Variants in HDAC9 observed in about 807,000 individuals in gnomAD.
HDAC9 encodes the protein histone deacetylase 9, also known as MEF-2 interacting transcription repressor (MITR) protein.
HDAC9 carries 41 observed loss-of-function variants against 139.4 expected under a neutral mutation model. The observed-to-expected ratio is 0.29, with a 90% CI of 0.23 to 0.38. HDAC9 has a LOEUF of 0.38. Ranked by LOEUF, HDAC9 falls within the 10% of genes least tolerant of loss-of-function variation. The pLI is 1.00. For synonymous variants in HDAC9, 517 were observed against 476.2 expected (o/e 1.09, Z -1.12); for missense variants, 1,147 against 1,297.0 (o/e 0.88, Z 1.78).
intron 2 of HDAC9, among the ~76,000 whole-genome samples, chr7:18,584,842 C>T (rs912116433): frequency 9.2e-5 from 14 of 152,144 alleles, no homozygotes; most frequent in South Asian, 2.1e-4. Context: ...TATCTTCTGA[C>T]GCTGATTACA....
chr7:18,248,056 C>T (rs1351271190), intron 2 of HDAC9, among the ~76,000 whole-genome samples: 1 of 152,062 alleles, frequency 6.6e-6, no homozygotes, highest in Non-Finnish European at 1.5e-5. Flanking sequence ...ATGCAAGACT[C>T]ATTTTAAGGC....
At chr7:18,903,837 G>A (rs1008488156) in intron 22 of HDAC9, among the ~76,000 whole-genome samples, 2 of 152,170 alleles carry the variant, frequency 1.3e-5, no homozygotes, top group Admixed American at 6.5e-5. Flanking sequence ...GATCTTTGTA[G>A]TCAAGCATGC....
intron 6 of HDAC9, among the ~76,000 whole-genome samples, chr7:18,602,974 T>C (rs73315010): frequency 0.027 from 4,042 of 152,204 alleles, 185 homozygotes; most frequent in African/African-American, 0.092. Flanking sequence ...TATTTTGATG[T>C]GACATTATTA....
In HDAC9 at chr7:18,763,234, A is replaced by G. The variant is rs1234875805; in HGVS notation, c.2164+957A>G. On this transcript the variant is annotated intron_variant, in intron 15 of 25. Coordinates refer to ENST00000686413, the MANE Select transcript of HDAC9 (RefSeq NM_178425.4). ...AGTAGATAACATACAGTAGGTAGGTATCTTGGAAAGCAATTGTAAGGAAGA... is the reference window on the plus strand; with the variant it reads ...AGTAGATAACATACAGTAGGTAGGTGTCTTGGAAAGCAATTGTAAGGAAGA... 1.4e-4 allele frequency among the ~76,000 whole-genome samples: 22 copies of G among 152,358 alleles called. No homozygotes were observed. In the East Asian group the frequency reaches 4.2e-3, roughly 29 times the overall value.
intron 1 of HDAC9, among the ~76,000 whole-genome samples, chr7:18,438,995 T>G (rs1791493465): frequency 6.6e-6 from 1 of 152,244 alleles, no homozygotes; most frequent in Admixed American, 6.5e-5. Context: ...GTGTGCATAC[T>G]GTGGATATGA....
chr7:18,745,748 T>A (rs920018382), intron 13 of HDAC9, among the ~76,000 whole-genome samples: 1 of 151,482 alleles, frequency 6.6e-6, no homozygotes, highest in African/African-American at 2.4e-5. Context: ...GGGTTTCACC[T>A]TGTTAGCCAG....
intron 2 of HDAC9, among the ~76,000 whole-genome samples, chr7:18,574,038 G>T (rs1171363188): frequency 6.6e-6 from 1 of 152,264 alleles, no homozygotes; most frequent in Non-Finnish European, 1.5e-5. Context: ...GAGGTATGCG[G>T]ACAGCTGGAG....
intron 12 of HDAC9, among the ~76,000 whole-genome samples, chr7:18,718,092 C>G (rs577164040): frequency 1.8e-4 from 28 of 152,100 alleles, no homozygotes; most frequent in African/African-American, 6.5e-4. Flanking sequence ...TTTTCATCAC[C>G]GCCCAAAAGA....
intron 25 of HDAC9, among the ~76,000 whole-genome samples, chr7:18,994,933 G>T (rs1435919399): frequency 6.6e-6 from 1 of 152,152 alleles, no homozygotes; most frequent in African/African-American, 2.4e-5. Context: ...CCGCTACCTA[G>T]AGAGAAGCAT....
intron 12 of HDAC9, among the ~76,000 whole-genome samples, chr7:18,705,936 GA>G (rs1783874546): frequency 1.4e-5 from 2 of 147,066 alleles, no homozygotes; most frequent in African/African-American, 5.1e-5. Context: ...AACAAAACAA[GA>G]ACATATATTC....
intron 2 of HDAC9, among the ~76,000 whole-genome samples, chr7:18,539,251 C>T (rs1320586385): frequency 2.6e-5 from 4 of 152,112 alleles, no homozygotes; most frequent in African/African-American, 7.2e-5. Flanking sequence ...CACTTCACCT[C>T]GTTGTTTTTC....
rs1242799990 is a variant in HDAC9, at chr7:18,967,487, A to C, written c.3023-8319A>C. Among the ~76,000 whole-genome samples, 5 of 144,398 alleles carry C rather than the reference A, an allele frequency of 3.5e-5. No homozygotes were observed. The East Asian group carries it at 1.0e-3, about 29-fold the overall frequency. The allele number at this position is 144,398 out of a possible 152,430, so 94.7% of individuals were successfully genotyped here. ...ATGGAATCAAAGCAAAATTTTTGTA[A>C]ATAAAGTTGCCCCCCCCCCAAAAAA... On this transcript the variant is annotated intron_variant, in intron 24 of 25. Transcript: ENST00000686413.
At chr7:18,233,624 T>C (rs1013266001) in intron 2 of HDAC9, among the ~76,000 whole-genome samples, 2 of 152,188 alleles carry the variant, frequency 1.3e-5, no homozygotes, top group East Asian at 1.9e-4. Context: ...GCAGGACTTT[T>C]GTGACTAAAG....
At chr7:18,114,096 A>G (rs1376769329) in intron 1 of HDAC9, among the ~76,000 whole-genome samples, 10 of 152,232 alleles carry the variant, frequency 6.6e-5, no homozygotes, top group South Asian at 2.1e-4. Context: ...GAGTTATAAC[A>G]CTGTTGTAGC....
At chr7:18,739,599 A>T (rs1187159769) in intron 13 of HDAC9, among the ~76,000 whole-genome samples, 1 of 152,196 alleles carries the variant, frequency 6.6e-6, no homozygotes. Flanking sequence ...TGAAGGCTGC[A>T]GAACAGCAAA....
chr7:18,153,450 G>A (rs1434155939), intron 1 of HDAC9, among the ~76,000 whole-genome samples: 1 of 152,118 alleles, frequency 6.6e-6, no homozygotes, highest in Non-Finnish European at 1.5e-5. Flanking sequence ...GTTGCAGAAA[G>A]TGACCAATCA....
chr7:18,817,662 C>G (rs79855576), intron 17 of HDAC9, among the ~76,000 whole-genome samples: 2 of 152,042 alleles, frequency 1.3e-5, no homozygotes, highest in African/African-American at 4.8e-5. Context: ...TGCTTTTGTT[C>G]TGTCATCAGG....
intron 2 of HDAC9, among the ~76,000 whole-genome samples, chr7:18,567,767 A>G (rs1391870628): frequency 2.0e-5 from 3 of 152,084 alleles, no homozygotes; most frequent in Admixed American, 2.0e-4. Flanking sequence ...TTGACTACAG[A>G]TCTATTACTA....
intron 15 of HDAC9, 148 bp downstream of exon 15, chr7:18,762,425 A>G (rs1428757396): frequency 4.0e-6 from 3 of 755,640 alleles, no homozygotes; most frequent in Non-Finnish European, 6.2e-6. Flanking sequence ...GTCATTTGCA[A>G]CAGAAGCCAT....
Sources: gnomAD v4.1 joint callset for allele counts (sites outside exome capture counted in the v4.1 genomes callset) on GRCh38, gnomAD v4.1.1 for gene constraint, MANE v1.5 for transcripts, NCBI Gene and HGNC (gene_info 2026-07-23, HGNC 2026-07-21) for gene names.